Variants in KCTD14 observed in about 807,000 individuals in gnomAD.
KCTD14 encodes potassium channel tetramerization domain containing 14.
KCTD14 carries 7 observed loss-of-function variants against 5.9 expected under a neutral mutation model. The observed-to-expected ratio is 1.19, with a 90% CI of 0.68 to 2.23. The LOEUF is 2.23. Ranked by LOEUF, KCTD14 falls within the 30% of genes most tolerant of loss-of-function variation. The probability of loss-of-function intolerance (pLI) is 0.00; values close to 1 mark genes in which losing one functional copy is unlikely to be tolerated. For missense variants in KCTD14, 342 were observed against 332.2 expected, an observed-to-expected ratio of 1.03 and a Z score of -0.23; for synonymous variants, 140 against 133.1, an observed-to-expected ratio of 1.05 and a Z score of -0.36.
At chr11:78,019,486 TA>T (rs911853332) in intron 1 of KCTD14, among the ~76,000 whole-genome samples, 31 of 152,190 alleles carry the variant, frequency 2.0e-4, no homozygotes, top group Middle Eastern at 6.8e-3. Context: ...TCTGGTTATG[TA>T]AAAAAATTTT....
At chr11:78,033,775 G>A (rs539710016) in intron 2 of KCTD14, among the ~76,000 whole-genome samples, 1 of 147,868 alleles carries the variant, frequency 6.8e-6, no homozygotes, top group Non-Finnish European at 1.5e-5. Flanking sequence ...TCGAACCAGA[G>A]GTAGAGGTTG....
intron 1 of KCTD14, among the ~76,000 whole-genome samples, chr11:78,044,353 GA>G (rs1183980689): frequency 6.6e-6 from 1 of 152,122 alleles, no homozygotes; most frequent in Non-Finnish European, 1.5e-5. Context: ...GGACCCCGCA[GA>G]AAAATCTTCC....
At chr11:78,039,536 A>C (rs568152719) in intron 1 of KCTD14, among the ~76,000 whole-genome samples, 1 of 149,754 alleles carries the variant, frequency 6.7e-6, no homozygotes, top group East Asian at 2.1e-4. Flanking sequence ...CTCAAAAAGA[A>C]AAAAAAAAAG....
rs767700567 is a variant in KCTD14 at position 78,023,220 on chromosome 11, TGG to T, written c.28_29del (p.Pro10SerfsTer32). On this transcript the variant is annotated frameshift_variant, in exon 1 of 2. Transcript: ENST00000353172. LOFTEE classifies it high-confidence loss of function. Reference protein sequence around the residue: MWQGCAVERPVGRMTSQTPL... With the variant: MWQGCAVERXVGRMTSQTPL... ...GGGTCTGGCTCGTCATCCTGCCCACTGGCCGCTCCACTGCGCAGCCCTGCCAC... is the reference window on the plus strand; with the variant it reads ...GGGTCTGGCTCGTCATCCTGCCCACTCCGCTCCACTGCGCAGCCCTGCCAC... 4.4e-6 allele frequency: 7 copies of T among 1,608,210 alleles called. No individual in the cohort carries two copies. In the African/African-American group the frequency reaches 8.0e-5, roughly 18 times the overall value.
intron 2 of KCTD14, among the ~76,000 whole-genome samples, chr11:78,037,993 A>G (rs1473752500): frequency 3.9e-5 from 1 of 25,676 alleles, no homozygotes; most frequent in Non-Finnish European, 1.4e-4. Flanking sequence ...AAGTTGACCA[A>G]AAAAAAAAAA....
At chr11:78,037,837 A>T (rs149914651) in intron 2 of KCTD14, among the ~76,000 whole-genome samples, 126 of 152,046 alleles carry the variant, frequency 8.3e-4, no homozygotes, top group African/African-American at 2.6e-3. Flanking sequence ...AATAAATAAA[A>T]AAAATCATTG....
intron 2 of KCTD14, chr11:78,038,589 C>T: frequency 6.6e-7 from 1 of 1,510,244 alleles, no homozygotes; most frequent in Non-Finnish European, 8.9e-7. Context: ...CAGCTGGTTA[C>T]CCCAAGTGAA....
Position 78,016,974 on chromosome 11 carries a change from A to G in KCTD14, c.387T>C (p.Phe129=), listed in dbSNP as rs929117912. The change falls in exon 2 of 2, where the codon TTT becomes TTC. Residue 129 remains phenylalanine, a synonymous_variant. Transcript: ENST00000353172. ...VKLLEDMPQI[F]GEQVSRKQFL... is the part of the protein sequence containing the mutation. ...ACTGCTTCCGAGACACCTGCTCACC[A>G]AAGATCTGTGGCATGTCCTCCAGCA... The G allele has an allele frequency of 6.2e-7, 1 of 1,614,160 alleles. No homozygotes were observed. Among genetic ancestry groups the G allele is most frequent in the African/African-American group, 1.3e-5 (1 of 75,030 alleles).
At chr11:78,033,901 G>GTGTGTGTGTGTACATATATATATATA in intron 2 of KCTD14, among the ~76,000 whole-genome samples, 30 of 115,590 alleles carry the variant, frequency 2.6e-4, no homozygotes, top group South Asian at 1.5e-3. Flanking sequence ...GTGTGTGTGT[G>GTGTGTGTGTGTACATATATATATATA]TATATATATA....
At chr11:78,034,421 C>T (rs1857727950) in intron 2 of KCTD14, among the ~76,000 whole-genome samples, 1 of 152,078 alleles carries the variant, frequency 6.6e-6, no homozygotes, top group African/African-American at 2.4e-5. Context: ...AGGAAAATTA[C>T]TTTTCATTGT....
chr11:78,031,519 T>C (rs1173580400), intron 2 of KCTD14, among the ~76,000 whole-genome samples: 2 of 151,820 alleles, frequency 1.3e-5, no homozygotes, highest in African/African-American at 4.8e-5. Context: ...GCTGGGATTA[T>C]AGGCACCAGC....
chr11:78,035,844 CAAAAAA>C (rs559820760), intron 2 of KCTD14, among the ~76,000 whole-genome samples: 1 of 79,296 alleles, frequency 1.3e-5, no homozygotes. Context: ...GACTCCATCT[CAAAAAA>C]AAAAAAAAAA....
chr11:78,042,234 A>T (rs1394035127), intron 1 of KCTD14, among the ~76,000 whole-genome samples: 1 of 152,200 alleles, frequency 6.6e-6, no homozygotes, highest in Non-Finnish European at 1.5e-5. Flanking sequence ...ATGGCTGGAC[A>T]CGGTGGCTTA....
At chr11:78,043,988 G>A (rs1858063040) in intron 1 of KCTD14, among the ~76,000 whole-genome samples, 1 of 152,142 alleles carries the variant, frequency 6.6e-6, no homozygotes, top group South Asian at 2.1e-4. Context: ...AGTGAAGCTG[G>A]ACCACCCACC....
At chr11:78,044,308 C>A (rs1222743916) in intron 1 of KCTD14, among the ~76,000 whole-genome samples, 2 of 152,094 alleles carry the variant, frequency 1.3e-5, no homozygotes, top group Non-Finnish European at 2.9e-5. Context: ...GAAGGGGCTG[C>A]ACTGCCAGCT....
chr11:78,020,098 G>A (rs1857272070), intron 1 of KCTD14, among the ~76,000 whole-genome samples: 1 of 152,222 alleles, frequency 6.6e-6, no homozygotes, highest in Non-Finnish European at 1.5e-5. Flanking sequence ...AAGCATGTAG[G>A]TGCTGAGAGG....
At chr11:78,033,845 CAA>C (rs60386490) in intron 2 of KCTD14, among the ~76,000 whole-genome samples, 56,340 of 132,664 alleles carry the variant, frequency 0.42, 11,925 homozygotes, top group African/African-American at 0.53. Flanking sequence ...GACTCCATCT[CAA>C]AAAAAAAAAA....
chr11:78,029,959 A>AT (rs1250547245), intron 2 of KCTD14, among the ~76,000 whole-genome samples: 1 of 151,332 alleles, frequency 6.6e-6, no homozygotes, highest in East Asian at 1.9e-4. Context: ...TTTTTTTTGT[A>AT]TTTTTTAGTA....
chr11:78,016,637 C>T lies in KCTD14; in HGVS notation c.724G>A (p.Glu242Lys), dbSNP rs374366969. Residue 242 changes from glutamate (E) to lysine (K), a missense_variant, in exon 2 of 2, where the codon GAA becomes AAA. By Grantham distance (56) the Glu-to-Lys change is moderately conservative. Transcript: ENST00000353172. Reference sequence around the variant, plus strand: ...AATGAATAAATGTTAAAATGGAATTCGTTTCTTTTGGTGGGGTACGTCAGG... The same window carrying T: ...AATGAATAAATGTTAAAATGGAATTTGTTTCTTTTGGTGGGGTACGTCAGG... ...FYLTYPTKRN[E>K]FHFNIYSFTF... 22 of 1,613,982 alleles carry T rather than the reference C, an allele frequency of 1.4e-5. No homozygotes were observed. Among genetic ancestry groups the T allele is most frequent in the African/African-American group, 6.7e-5 (5 of 74,928 alleles).
Sources: gnomAD v4.1 joint callset for allele counts (sites outside exome capture counted in the v4.1 genomes callset) on GRCh38, gnomAD v4.1.1 for gene constraint, MANE v1.5 for transcripts, NCBI Gene and HGNC (gene_info 2026-07-23, HGNC 2026-07-21) for gene names.